The following SLCO3A1 variants were observed in gnomAD, a reference collection of about 807,000 sequenced individuals.
SLCO3A1 encodes the protein PGE1 transporter.
A neutral mutation model predicts 63.1 loss-of-function variants in SLCO3A1; 27 were observed. The observed-to-expected ratio is 0.43, with a 90% CI of 0.32 to 0.59. The LOEUF is 0.59. Among genes scored for constraint, SLCO3A1 ranks in the 20% least tolerant of loss-of-function variants. The pLI, the probability that SLCO3A1 is intolerant of heterozygous loss-of-function variation, is 0.09. For missense variants in SLCO3A1, 773 were observed against 945.8 expected, an observed-to-expected ratio of 0.82 and a Z score of 2.40; for synonymous variants, 473 against 409.9, an observed-to-expected ratio of 1.15 and a Z score of -1.86.
Position 91,856,184 on chromosome 15 carries a change from A to C in SLCO3A1, c.180+2096A>C, listed in dbSNP as rs1239620231. On this transcript the variant is annotated intron_variant, in intron 1 of 9. Coordinates refer to ENST00000318445, the MANE Select transcript of SLCO3A1 (RefSeq NM_013272.4). The surrounding 1 kb of genome is among the most constrained non-coding windows in gnomAD (Gnocchi z 4.9). ...GTCCACCTGGTGGCGGCATCCTGGC[A>C]CTTCTAGCCTTCGCTGATGGAAAGC... 6.6e-6 allele frequency among the ~76,000 whole-genome samples: 1 copy of C among 152,030 alleles called. No individual in the cohort carries two copies. Among genetic ancestry groups the C allele is most frequent in the East Asian group, 1.9e-4 (1 of 5,164 alleles).
At chr15:92,102,443 C>G (rs1233131562) in intron 3 of SLCO3A1, among the ~76,000 whole-genome samples, 1 of 152,170 alleles carries the variant, frequency 6.6e-6, no homozygotes, top group Non-Finnish European at 1.5e-5. Flanking sequence ...TCAGGTGATT[C>G]TTGCTCATTG....
At chr15:91,918,535 G>C (rs953380485) in intron 2 of SLCO3A1, among the ~76,000 whole-genome samples, 3 of 152,308 alleles carry the variant, frequency 2.0e-5, no homozygotes. Flanking sequence ...CAAGTCTTTT[G>C]CATAGATTGG....
chr15:92,091,189 C>T (rs551980020), intron 2 of SLCO3A1, among the ~76,000 whole-genome samples: 1 of 152,250 alleles, frequency 6.6e-6, no homozygotes, highest in Admixed American at 6.5e-5. Flanking sequence ...TGAATGGCTT[C>T]CAGGAGATCA....
Position 91,854,357 on chromosome 15 carries a change from C to T in SLCO3A1, c.180+269C>T, listed in dbSNP as rs1896856715. On this transcript the variant is annotated intron_variant, in intron 1 of 9. Coordinates refer to ENST00000318445, the MANE Select transcript of SLCO3A1 (RefSeq NM_013272.4). This position sits in a 1 kb window ranked among gnomAD's most constrained non-coding sequence, Gnocchi z 6.4. ...GGGGGTGCCGGGGGAGGAGAGGCGG[C>T]GGGCAGGTGGGCGTGAAACTATTCC... 1 of 1,094,952 alleles carries T rather than the reference C, an allele frequency of 9.1e-7. No individual in the cohort carries two copies. The highest frequency in any genetic ancestry group is 1.1e-6 in the Non-Finnish European group (1 of 899,626). The allele number at this position is 1,094,952 out of a possible 1,614,324, so 67.8% of individuals were successfully genotyped here.
At chr15:91,877,321 C>G (rs532782465) in intron 1 of SLCO3A1, among the ~76,000 whole-genome samples, 2 of 152,244 alleles carry the variant, frequency 1.3e-5, no homozygotes, top group African/African-American at 4.8e-5. Context: ...TCTCTCTTAA[C>G]CTTAAAAATT....
chr15:91,911,622 A>G (rs1462846771), intron 1 of SLCO3A1, among the ~76,000 whole-genome samples: 1 of 151,960 alleles, frequency 6.6e-6, no homozygotes, highest in African/African-American at 2.4e-5. Flanking sequence ...CTATATCTAT[A>G]TAGATATTTA....
At chr15:92,139,998 G>C (rs2048109225) in intron 7 of SLCO3A1, among the ~76,000 whole-genome samples, 10 of 140,186 alleles carry the variant, frequency 7.1e-5, no homozygotes, top group African/African-American at 2.9e-4. Flanking sequence ...TCTGATTTTA[G>C]TTATTTCTTG....
chr15:92,089,745 C>G (rs1255376212), intron 2 of SLCO3A1, among the ~76,000 whole-genome samples: 1 of 152,148 alleles, frequency 6.6e-6, no homozygotes, highest in African/African-American at 2.4e-5. Flanking sequence ...GACTCACCAC[C>G]AGGAAGTCTT....
chr15:91,889,929 A>C (rs1437994925), intron 1 of SLCO3A1, among the ~76,000 whole-genome samples: 2 of 151,932 alleles, frequency 1.3e-5, no homozygotes, highest in African/African-American at 4.9e-5. Context: ...TCCTAGACTG[A>C]GTTATGCAGT....
chr15:92,027,728 A>T (rs1464329728), intron 2 of SLCO3A1, among the ~76,000 whole-genome samples: 1 of 152,238 alleles, frequency 6.6e-6, no homozygotes, highest in Admixed American at 6.5e-5. Flanking sequence ...AAACACAAAG[A>T]CACACTTACC....
intron 2 of SLCO3A1, among the ~76,000 whole-genome samples, chr15:92,024,497 A>C (rs139268805): frequency 6.6e-6 from 1 of 152,202 alleles, no homozygotes; most frequent in Non-Finnish European, 1.5e-5. Context: ...TTATGCTACC[A>C]TGTATTGACG....
chr15:91,926,633 A>C (rs1597127627), intron 2 of SLCO3A1, among the ~76,000 whole-genome samples: 1 of 134,154 alleles, frequency 7.5e-6, no homozygotes. Flanking sequence ...TAAACCACAT[A>C]ATAGACAAAT....
intron 2 of SLCO3A1, among the ~76,000 whole-genome samples, chr15:92,018,051 G>A (rs1352320060): frequency 2.6e-5 from 4 of 152,168 alleles, no homozygotes; most frequent in East Asian, 1.9e-4. Context: ...GAGATGGAAC[G>A]CAGAAGGTGA....
chr15:92,150,966 C>A lies in SLCO3A1; in HGVS notation c.1705C>A (p.Leu569Ile). The change falls in exon 9 of 10, where the codon CTC becomes ATC. Residue 569 changes from leucine (L) to isoleucine (I), a missense_variant. Coordinates refer to ENST00000318445, the MANE Select transcript of SLCO3A1 (RefSeq NM_013272.4). ...TGCACGTAGGACAGTCAGCCCTGAACTCAAGTCTTACGCTTTGGGAGTTCT... is the reference window on the plus strand; with the variant it reads ...TGCACGTAGGACAGTCAGCCCTGAAATCAAGTCTTACGCTTTGGGAGTTCT... ...IILIRTVSPE[L>I]KSYALGVLFL... is the part of the protein sequence containing the mutation. 6.2e-7 allele frequency: 1 copy of A among 1,612,500 alleles called. No individual in the cohort carries two copies. Among genetic ancestry groups the A allele is most frequent in the Non-Finnish European group, 8.5e-7 (1 of 1,179,306 alleles).
At chr15:92,007,013 C>T (rs1035099226) in intron 2 of SLCO3A1, among the ~76,000 whole-genome samples, 4 of 152,180 alleles carry the variant, frequency 2.6e-5, no homozygotes, top group African/African-American at 7.2e-5. Flanking sequence ...ATTATATAAC[C>T]TGGAATGTCA....
At chr15:91,914,558 A>G (rs1272734656) in intron 1 of SLCO3A1, among the ~76,000 whole-genome samples, 7 of 110,664 alleles carry the variant, frequency 6.3e-5, no homozygotes, top group African/African-American at 2.4e-4. Flanking sequence ...CTTTCCAACT[A>G]TTTTCTTCCT....
At chr15:92,147,311 A>T (rs2048240204) in intron 8 of SLCO3A1, 152 bp downstream of exon 8, 1 of 716,312 alleles carries the variant, frequency 1.4e-6, no homozygotes, top group South Asian at 1.9e-5. Context: ...GCTGATAGGA[A>T]TCAATTATGT....
chr15:92,073,879 A>G (rs1196802256), intron 2 of SLCO3A1, among the ~76,000 whole-genome samples: 2 of 152,238 alleles, frequency 1.3e-5, no homozygotes, highest in Non-Finnish European at 2.9e-5. Flanking sequence ...AAGAGAACCT[A>G]TGCTCGAGGT....
chr15:92,084,713 C>A (rs182289999), intron 2 of SLCO3A1, among the ~76,000 whole-genome samples: 32 of 152,348 alleles, frequency 2.1e-4, no homozygotes, highest in Non-Finnish European at 1.5e-5. Context: ...GCTCCTCGGG[C>A]AGCCTGTGCT....
Sources: allele counts gnomAD v4.1 joint callset (sites outside exome capture counted in the v4.1 genomes callset), GRCh38; gene constraint gnomAD v4.1.1; non-coding constraint Gnocchi (gnomAD v3.1); transcripts MANE v1.5; gene names NCBI Gene and HGNC (gene_info 2026-07-23, HGNC 2026-07-21).